RARB: variants seen among roughly 807,000 people sequenced by gnomAD.
The protein encoded by RARB is HBV-activated protein.
RARB carries 17 observed loss-of-function variants against 51.9 expected under a neutral mutation model. The observed-to-expected ratio is 0.33, with a 90% CI of 0.22 to 0.49. RARB has a LOEUF of 0.49. Among genes scored for constraint, RARB ranks in the 20% least tolerant of loss-of-function variants. The probability of loss-of-function intolerance (pLI) is 0.99; values close to 1 mark genes in which losing one functional copy is unlikely to be tolerated. For missense variants in RARB, 369 were observed against 550.8 expected (o/e 0.67, Z 3.30); for synonymous variants, 215 against 195.4 (o/e 1.10, Z -0.84).
chr3:25,197,331 C>T (rs997357622), intron 5 of RARB, among the ~76,000 whole-genome samples: 7 of 152,070 alleles, frequency 4.6e-5, no homozygotes, highest in African/African-American at 1.4e-4. Context: ...GAATCCTTTC[C>T]CCATTTCTTG....
chr3:25,538,054 T>A (rs1193765354), intron 3 of RARB, among the ~76,000 whole-genome samples: 1 of 152,244 alleles, frequency 6.6e-6, no homozygotes, highest in African/African-American at 2.4e-5. Flanking sequence ...AAGTAATCAG[T>A]TAGATTTAAA....
chr3:25,512,308 A>C (rs989098323), intron 3 of RARB, among the ~76,000 whole-genome samples: 1 of 152,186 alleles, frequency 6.6e-6, no homozygotes, highest in African/African-American at 2.4e-5. Flanking sequence ...ACTCAAAACA[A>C]GAAGTACATG....
intron 2 of RARB, among the ~76,000 whole-genome samples, chr3:25,500,572 CAGGTTCACGCA>C (rs1697263651): frequency 6.6e-6 from 1 of 150,574 alleles, no homozygotes; most frequent in Non-Finnish European, 1.5e-5. Context: ...CTCTGCCTCC[CAGGTTCACGCA>C]ATTCTCCTGC....
chr3:25,273,340 C>G (rs1165929815), intron 5 of RARB, among the ~76,000 whole-genome samples: 1 of 152,178 alleles, frequency 6.6e-6, no homozygotes, highest in African/African-American at 2.4e-5. Context: ...ATATTGCCTA[C>G]TTCAGAAATG....
chr3:25,507,096 T>G (rs934854244), intron 3 of RARB, among the ~76,000 whole-genome samples: 2 of 152,254 alleles, frequency 1.3e-5, no homozygotes, highest in Non-Finnish European at 2.9e-5. Flanking sequence ...CAAAGCTCCA[T>G]GAACCGCAAA....
chr3:25,489,624 GAA>G (rs199650761), intron 2 of RARB, among the ~76,000 whole-genome samples: 70,538 of 151,940 alleles, frequency 0.46, 18,129 homozygotes, highest in South Asian at 0.65. Flanking sequence ...GTTGTAGAGA[GAA>G]TGTTCCAACA....
Position 24,966,922 on chromosome 3 carries a change from A to C in RARB, c.-379-93203A>C, listed in dbSNP as rs140497940. The stretch of plus-strand genomic sequence containing the variant: ...CCACACATCCTGCCCTGAATTCACC[A>C]TACATTTTCATTTTCCATACTTGGC... On this transcript the variant is annotated intron_variant, in intron 2 of 11. Coordinates refer to the RARB transcript ENST00000383772. Among the ~76,000 whole-genome samples the C allele has an allele frequency of 6.2e-4, 94 of 152,262 alleles. No individual in the cohort carries two copies. The East Asian group carries it at 9.3e-3, about 15-fold the overall frequency.
At chr3:25,516,216 G>T (rs1423140356) in intron 3 of RARB, among the ~76,000 whole-genome samples, 1 of 152,048 alleles carries the variant, frequency 6.6e-6, no homozygotes, top group Non-Finnish European at 1.5e-5. Context: ...TAACAGGCCA[G>T]GGATTTCTTT....
intron 2 of RARB, among the ~76,000 whole-genome samples, chr3:24,950,713 G>GA (rs71622789): frequency 0.011 from 1,027 of 94,018 alleles, 12 homozygotes; most frequent in African/African-American, 0.037. Context: ...GCAGGAAAAG[G>GA]AAAAAAAAAA....
chr3:25,306,958 A>G (rs1704167688), intron 5 of RARB, among the ~76,000 whole-genome samples: 2 of 152,242 alleles, frequency 1.3e-5, no homozygotes, highest in Middle Eastern at 3.4e-3. Flanking sequence ...GGGTTGGTGC[A>G]TTAAGCTCCC....
chr3:24,942,742 CAA>C (rs1009901034), intron 2 of RARB, among the ~76,000 whole-genome samples: 7 of 152,148 alleles, frequency 4.6e-5, no homozygotes, highest in African/African-American at 1.7e-4. Context: ...AGATTACTGT[CAA>C]GAGCATTAGT....
At chr3:25,196,076 T>C (rs1701226290) in intron 5 of RARB, among the ~76,000 whole-genome samples, 2 of 151,968 alleles carry the variant, frequency 1.3e-5, no homozygotes, top group South Asian at 4.1e-4. Flanking sequence ...CTCTAAAATT[T>C]TTTTACTTTT....
chr3:25,243,697 T>C (rs1224025257), intron 5 of RARB, among the ~76,000 whole-genome samples: 1 of 152,232 alleles, frequency 6.6e-6, no homozygotes, highest in Non-Finnish European at 1.5e-5. Context: ...AATGTGCTTC[T>C]AGAATCGGTT....
chr3:25,409,632 CA>C (rs1354303162), intron 5 of RARB, among the ~76,000 whole-genome samples: 6 of 151,980 alleles, frequency 3.9e-5, no homozygotes, highest in Non-Finnish European at 7.4e-5. Context: ...TTAAAAGCAC[CA>C]AAGAGGTATA....
chr3:24,853,534 A>G (rs1023454167), intron 1 of RARB, among the ~76,000 whole-genome samples: 6 of 152,198 alleles, frequency 3.9e-5, no homozygotes, highest in Admixed American at 6.5e-5. Flanking sequence ...CCCTGAAACT[A>G]ATAGCCTGCA....
intron 2 of RARB, among the ~76,000 whole-genome samples, chr3:25,055,981 G>A (rs968292983): frequency 4.6e-5 from 7 of 152,176 alleles, no homozygotes; most frequent in East Asian, 1.9e-4. Context: ...CATGATTATC[G>A]TTAAATGCTG....
intron 2 of RARB, among the ~76,000 whole-genome samples, chr3:25,018,763 C>A (rs7620111): frequency 0.69 from 105,646 of 152,046 alleles, 37,670 homozygotes; most frequent in Admixed American, 0.8. Flanking sequence ...TAAGTTTGCT[C>A]ATAGGTAAAA....
chr3:25,061,580 C>T (rs547252486), intron 3 of RARB, among the ~76,000 whole-genome samples: 1 of 151,842 alleles, frequency 6.6e-6, no homozygotes, highest in African/African-American at 2.4e-5. Flanking sequence ...TGAACACAGA[C>T]AGCTTTCTTG....
intron 3 of RARB, among the ~76,000 whole-genome samples, chr3:25,504,915 G>A (rs1016879576): frequency 2.6e-5 from 4 of 151,466 alleles, no homozygotes; most frequent in East Asian, 1.9e-4. Flanking sequence ...CTGCCACCAC[G>A]CCCGGCTAAT....
Sources: gnomAD v4.1 joint callset for allele counts (sites outside exome capture counted in the v4.1 genomes callset) on GRCh38, gnomAD v4.1.1 for gene constraint, MANE v1.5 for transcripts, NCBI Gene and HGNC (gene_info 2026-07-23, HGNC 2026-07-21) for gene names.